JAZF1: variants seen among roughly 807,000 people sequenced by gnomAD.
JAZF1 encodes JAZF zinc finger 1.
A neutral mutation model predicts 26.4 loss-of-function variants in JAZF1; 8 were observed. The ratio of observed to expected loss-of-function variants is 0.30; its 90% confidence interval spans 0.18 to 0.55. The LOEUF (loss-of-function observed/expected upper bound fraction) is 0.55. Ranked by LOEUF, JAZF1 falls within the 20% of genes least tolerant of loss-of-function variation. The pLI is 0.94. For synonymous variants in JAZF1, 126 were observed against 122.3 expected (o/e 1.03, Z -0.20); for missense variants, 199 against 322.0 (o/e 0.62, Z 2.92).
At position 27,833,033 on chromosome 7, in the gene JAZF1, C is replaced by T. The variant is rs192796014; in HGVS notation, c.556-57G>A. On this transcript the variant is annotated intron_variant, in intron 4 of 4. Coordinates refer to ENST00000283928, the MANE Select transcript of JAZF1 (RefSeq NM_175061.4). ...GATTCACAGGATACCTGTCAAACTT[C>T]GGAAACCTCAATTTGGGTCTGGATT... The T allele has an allele frequency of 4.4e-5, 62 of 1,402,960 alleles. No individual in the cohort carries two copies. In the South Asian group the frequency reaches 6.2e-4, roughly 14 times the overall value. The allele number at this position is 1,402,960 out of a possible 1,614,324, so 86.9% of individuals were successfully genotyped here. A position where few individuals can be genotyped will look rare whatever the true frequency, so the allele number is the denominator to read the frequency against.
intron 1 of JAZF1, among the ~76,000 whole-genome samples, chr7:28,009,305 C>G (rs1207524745): frequency 6.6e-6 from 1 of 151,844 alleles, no homozygotes; most frequent in Non-Finnish European, 1.5e-5. Flanking sequence ...CTCCTCCCTT[C>G]AGCCCACACC....
chr7:28,079,534 C>T (rs530845320), intron 1 of JAZF1, among the ~76,000 whole-genome samples: 3 of 152,230 alleles, frequency 2.0e-5, no homozygotes, highest in Non-Finnish European at 2.9e-5. Flanking sequence ...TATGAGAAAT[C>T]ATAAAACTGA....
At chr7:27,839,400 C>A (rs1782880251) in intron 4 of JAZF1, among the ~76,000 whole-genome samples, 1 of 152,204 alleles carries the variant, frequency 6.6e-6, no homozygotes, top group African/African-American at 2.4e-5. Flanking sequence ...AGGAAAAAGT[C>A]TCTTTCTGCA....
intron 1 of JAZF1, among the ~76,000 whole-genome samples, chr7:28,048,689 C>A (rs1783537403): frequency 6.6e-6 from 1 of 152,138 alleles, no homozygotes; most frequent in Admixed American, 6.5e-5. Flanking sequence ...AATGCTCACA[C>A]AAAACCTTGT....
chr7:27,940,222 T>A lies in JAZF1; in HGVS notation c.189-44806A>T, dbSNP rs7787507. 1.2e-4 allele frequency among the ~76,000 whole-genome samples: 19 copies of A among 152,204 alleles called. No homozygotes were observed. The South Asian group carries it at 2.1e-3, about 17-fold the overall frequency. ...ATGTTTAGTTTTGAGATAAGTTTCT[T>A]GGAAAGGCTGGTGAAGAAGGTGACA... On this transcript the variant is annotated intron_variant, in intron 2 of 4. Transcript: ENST00000283928.
At chr7:28,110,060 A>G (rs1784617236) in intron 1 of JAZF1, among the ~76,000 whole-genome samples, 1 of 152,214 alleles carries the variant, frequency 6.6e-6, no homozygotes, top group South Asian at 2.1e-4. Flanking sequence ...GAAAACATTC[A>G]TTTGACTCCT....
At chr7:28,159,632 C>T (rs981770974) in intron 1 of JAZF1, among the ~76,000 whole-genome samples, 6 of 152,064 alleles carry the variant, frequency 3.9e-5, no homozygotes, top group Admixed American at 3.9e-4. Flanking sequence ...CTGTGGAGGA[C>T]GAGCTCTAGG....
At chr7:28,073,254 C>G (rs571691168) in intron 1 of JAZF1, among the ~76,000 whole-genome samples, 1 of 152,206 alleles carries the variant, frequency 6.6e-6, no homozygotes, top group Non-Finnish European at 1.5e-5. Flanking sequence ...CGGAGCGTGG[C>G]TGGAGACCTG....
chr7:27,902,306 C>G (rs996060976), intron 2 of JAZF1, among the ~76,000 whole-genome samples: 1 of 152,168 alleles, frequency 6.6e-6, no homozygotes, highest in Non-Finnish European at 1.5e-5. Context: ...ATATAAATAT[C>G]TGAAACAGAA....
intron 2 of JAZF1, among the ~76,000 whole-genome samples, chr7:27,980,063 T>G (rs2128361903): frequency 6.6e-6 from 1 of 152,326 alleles, no homozygotes; most frequent in East Asian, 1.9e-4. Flanking sequence ...CCTACCCTAT[T>G]TTTCCAATAT....
intron 1 of JAZF1, among the ~76,000 whole-genome samples, chr7:27,998,412 A>G (rs979823612): frequency 6.6e-6 from 1 of 152,222 alleles, no homozygotes; most frequent in South Asian, 2.1e-4. Flanking sequence ...CCAACTTTTA[A>G]TTCATGGCTA....
intron 1 of JAZF1, among the ~76,000 whole-genome samples, chr7:28,091,193 AAAT>A (rs1172202760): frequency 6.6e-6 from 1 of 152,104 alleles, no homozygotes; most frequent in Non-Finnish European, 1.5e-5. Context: ...ATATCAGGGG[AAAT>A]AATGTTATTC....
intron 3 of JAZF1, among the ~76,000 whole-genome samples, chr7:27,867,628 C>T (rs186768624): frequency 1.3e-5 from 2 of 152,202 alleles, no homozygotes; most frequent in African/African-American, 2.4e-5. Flanking sequence ...TCTGGTAAAA[C>T]GTTATGCGGG....
At chr7:28,005,882 TAAA>T (rs11355665) in intron 1 of JAZF1, among the ~76,000 whole-genome samples, 48 of 138,030 alleles carry the variant, frequency 3.5e-4, no homozygotes, top group Non-Finnish European at 4.5e-4. Flanking sequence ...TTCTGTTGCT[TAAA>T]AAAAAAAAAA....
chr7:27,934,081 G>C (rs942161236), intron 2 of JAZF1, among the ~76,000 whole-genome samples: 10 of 152,176 alleles, frequency 6.6e-5, no homozygotes, highest in African/African-American at 2.4e-4. Flanking sequence ...AGCTGGAAAT[G>C]ATCATTAATT....
chr7:28,003,710 T>G (rs1562555867), intron 1 of JAZF1, among the ~76,000 whole-genome samples: 1 of 152,080 alleles, frequency 6.6e-6, no homozygotes, highest in East Asian at 1.9e-4. Flanking sequence ...CTGCCAAAAT[T>G]TTTTTTTCTT....
At chr7:27,897,453 C>T (rs984609125) in intron 2 of JAZF1, among the ~76,000 whole-genome samples, 5 of 152,176 alleles carry the variant, frequency 3.3e-5, no homozygotes, top group Admixed American at 2.0e-4. Flanking sequence ...AAGGAATTAA[C>T]GTACGTCTTT....
chr7:27,980,384 TC>T (rs1362641129), intron 2 of JAZF1, among the ~76,000 whole-genome samples: 2 of 152,224 alleles, frequency 1.3e-5, no homozygotes, highest in Non-Finnish European at 2.9e-5. Flanking sequence ...AGGTTTTTTT[TC>T]CTACCTGTAA....
At chr7:28,150,821 G>A (rs972440122) in intron 1 of JAZF1, among the ~76,000 whole-genome samples, 3 of 152,202 alleles carry the variant, frequency 2.0e-5, no homozygotes, top group Non-Finnish European at 4.4e-5. Flanking sequence ...GGCTCTTGAG[G>A]TCCAAAACTC....
Sources: allele counts gnomAD v4.1 joint callset (sites outside exome capture counted in the v4.1 genomes callset), GRCh38; gene constraint gnomAD v4.1.1; transcripts MANE v1.5; gene names NCBI Gene and HGNC (gene_info 2026-07-23, HGNC 2026-07-21).